Variants in TMEM132B observed in about 807,000 individuals in gnomAD.
TMEM132B encodes transmembrane protein 132B.
A neutral mutation model predicts 90.8 loss-of-function variants in TMEM132B; 18 were observed. The observed-to-expected ratio is 0.20, with a 90% confidence interval of 0.14 to 0.29. The LOEUF is 0.29. TMEM132B is among the 10% of genes least tolerant of loss of function. The pLI, the probability that TMEM132B is intolerant of heterozygous loss-of-function variation, is 1.00. For missense variants in TMEM132B, 1,096 were observed against 1,326.8 expected (o/e 0.83, Z 2.70); for synonymous variants, 504 against 523.3 (o/e 0.96, Z 0.50).
chr12:125,431,243 C>T (rs2136400273), intron 3 of TMEM132B, among the ~76,000 whole-genome samples: 1 of 152,154 alleles, frequency 6.6e-6, no homozygotes, highest in Non-Finnish European at 1.5e-5. Flanking sequence ...AGGGCTATCG[C>T]CATCATCCAG....
chr12:125,529,001 CCTT>C (rs1216557473), intron 4 of TMEM132B, among the ~76,000 whole-genome samples: 2 of 141,538 alleles, frequency 1.4e-5, no homozygotes, highest in Admixed American at 7.1e-5. Context: ...CTTTCTCCTT[CCTT>C]CTTCTCCTTT....
intron 1 of TMEM132B, among the ~76,000 whole-genome samples, chr12:125,198,530 C>G (rs1872979561): frequency 6.6e-6 from 1 of 152,212 alleles, no homozygotes; most frequent in Non-Finnish European, 1.5e-5. Context: ...AACCCCAGGA[C>G]TGACTTTTAC....
chr12:125,434,741 T>C lies in TMEM132B; in HGVS notation c.1106+19064T>C, dbSNP rs543275417. On this transcript the variant is annotated intron_variant, in intron 3 of 8. Coordinates refer to ENST00000682704, the MANE Select transcript of TMEM132B (RefSeq NM_001366854.1). ...CTTCTTGCTGTTCTAATCTCTGTGT[T>C]TTTTCACCATCCTGTCTGCCTTCTC... 1.2e-4 allele frequency among the ~76,000 whole-genome samples: 19 copies of C among 152,316 alleles called. No homozygotes were observed. In the South Asian group the frequency reaches 3.7e-3, roughly 30 times the overall value.
intron 3 of TMEM132B, among the ~76,000 whole-genome samples, chr12:125,441,951 T>C (rs971267499): frequency 6.6e-6 from 1 of 152,246 alleles, no homozygotes; most frequent in African/African-American, 2.4e-5. Context: ...TGCAGTATTT[T>C]TGAAAGATTT....
At chr12:125,563,606 A>AACAAAC (rs1884595811) in intron 4 of TMEM132B, among the ~76,000 whole-genome samples, 1 of 122,182 alleles carries the variant, frequency 8.2e-6, no homozygotes, top group African/African-American at 3.6e-5. Context: ...AACAAAAAAA[A>AACAAAC]ACCCCACAGT....
At chr12:125,531,631 G>C (rs567776471) in intron 4 of TMEM132B, among the ~76,000 whole-genome samples, 13 of 152,192 alleles carry the variant, frequency 8.5e-5, no homozygotes, top group Non-Finnish European at 1.9e-4. Flanking sequence ...ATCTAGAATA[G>C]ACTGAAGGTT....
Position 125,191,734 on chromosome 12 carries a change from G to C in TMEM132B, c.67+4868G>C, listed in dbSNP as rs551988028. Among the ~76,000 whole-genome samples, 3 of 152,340 alleles carry C rather than the reference G, an allele frequency of 2.0e-5. No homozygotes were observed. The East Asian group carries it at 5.8e-4, about 29-fold the overall frequency. ...CTGTAGGCAACTGGGAGTCCTTTCA[G>C]ATTCTGTGCCCCTGAGTGATTAGAT... On this transcript the variant is annotated intron_variant, in intron 1 of 8. Coordinates refer to ENST00000682704, the MANE Select transcript of TMEM132B (RefSeq NM_001366854.1).
intron 1 of TMEM132B, among the ~76,000 whole-genome samples, chr12:125,238,387 C>CCAAAAAAAAAAAAAAAAAAAAAA (rs1873989857): frequency 7.3e-6 from 1 of 137,618 alleles, no homozygotes; most frequent in African/African-American, 2.7e-5. Context: ...CAAAAAAAAA[C>CCAAAAAAAAAAAAAAAAAAAAAA]CAAAAAAACA....
intron 3 of TMEM132B, among the ~76,000 whole-genome samples, chr12:125,512,364 A>T (rs1883003734): frequency 6.6e-6 from 1 of 152,184 alleles, no homozygotes; most frequent in African/African-American, 2.4e-5. Flanking sequence ...TCGCCAGCTG[A>T]TTCGAATTTT....
rs566924184 is a variant in TMEM132B, at chr12:125,373,962, T to C, written c.959+23619T>C. On this transcript the variant is annotated intron_variant, in intron 2 of 8. Coordinates refer to ENST00000682704, the MANE Select transcript of TMEM132B (RefSeq NM_001366854.1). ...GGCACGCACCACCAAGCCTGGCTAA[T>C]TTTTCTATTTTTAGTAGAGACGGGC... Among the ~76,000 whole-genome samples the C allele has an allele frequency of 4.6e-5, 7 of 152,278 alleles. No homozygotes were observed. In the South Asian group the frequency reaches 1.5e-3, roughly 32 times the overall value.
chr12:125,450,430 A>G (rs1365994526), intron 3 of TMEM132B, among the ~76,000 whole-genome samples: 1 of 152,236 alleles, frequency 6.6e-6, no homozygotes, highest in Non-Finnish European at 1.5e-5. Flanking sequence ...ATGAATCTAA[A>G]CTATTGAAAA....
At chr12:125,609,055 G>A (rs750245477) in intron 5 of TMEM132B, among the ~76,000 whole-genome samples, 7 of 152,100 alleles carry the variant, frequency 4.6e-5, no homozygotes, top group Admixed American at 2.6e-4. Flanking sequence ...AGCCAGCAGG[G>A]GAAATGCCAG....
intron 4 of TMEM132B, among the ~76,000 whole-genome samples, chr12:125,529,560 C>T (rs1328740730): frequency 6.6e-6 from 1 of 152,160 alleles, no homozygotes; most frequent in Non-Finnish European, 1.5e-5. Context: ...ACTCACTTTG[C>T]TGGTCGCTGG....
intron 3 of TMEM132B, among the ~76,000 whole-genome samples, chr12:125,453,076 A>AACACAGACAC (rs1374229793): frequency 3.3e-4 from 47 of 143,700 alleles, no homozygotes; most frequent in African/African-American, 1.1e-3. Flanking sequence ...ATTTCAGTAA[A>AACACAGACAC]ACACACACAC....
intron 1 of TMEM132B, among the ~76,000 whole-genome samples, chr12:125,289,361 C>A (rs1391919563): frequency 6.6e-6 from 1 of 152,116 alleles, no homozygotes; most frequent in African/African-American, 2.4e-5. Flanking sequence ...CTTGTGTTAA[C>A]TTCTTTAATC....
At chr12:125,273,016 T>C (rs181380186) in intron 1 of TMEM132B, among the ~76,000 whole-genome samples, 2 of 152,344 alleles carry the variant, frequency 1.3e-5, no homozygotes, top group Admixed American at 6.5e-5. Flanking sequence ...TTTGTCTCTA[T>C]ATATGTAATT....
intron 3 of TMEM132B, among the ~76,000 whole-genome samples, chr12:125,487,080 C>T (rs1882223443): frequency 6.6e-6 from 1 of 152,178 alleles, no homozygotes; most frequent in South Asian, 2.1e-4. Context: ...TCAGTCTGTT[C>T]TGCACTTTTT....
chr12:125,583,839 T>C lies in TMEM132B; in HGVS notation c.1294-12T>C. 1 of 1,613,700 alleles carries C rather than the reference T, an allele frequency of 6.2e-7. No homozygotes were observed. The highest frequency in any genetic ancestry group is 1.1e-5 in the South Asian group (1 of 91,050). The stretch of plus-strand genomic sequence containing the variant: ...ACGTTTGCTGATCTGAGCCCTCTCC[T>C]CTCCTGTTTAGGACACCGAGGTTTT... On this transcript the variant is annotated splice_polypyrimidine_tract_variant and intron_variant, in intron 4 of 8. Transcript: ENST00000682704.
At chr12:125,552,587 C>T (rs980208612) in intron 4 of TMEM132B, among the ~76,000 whole-genome samples, 2 of 152,174 alleles carry the variant, frequency 1.3e-5, no homozygotes, top group Admixed American at 6.5e-5. Flanking sequence ...ATCACACTCC[C>T]GGGCCCCTCC....
Sources: allele counts gnomAD v4.1 joint callset (sites outside exome capture counted in the v4.1 genomes callset), GRCh38; gene constraint gnomAD v4.1.1; transcripts MANE v1.5; gene names NCBI Gene and HGNC (gene_info 2026-07-23, HGNC 2026-07-21).